CELF5: variants seen among roughly 807,000 people sequenced by gnomAD.
The protein encoded by CELF5 is CUGBP Elav-like family member 5, also known as CUG-BP and ETR-3 like factor 5.
CELF5 carries 6 observed loss-of-function variants against 54.9 expected under a neutral mutation model. The observed-to-expected ratio is 0.11, with a 90% CI of 0.06 to 0.22. CELF5 has a LOEUF of 0.22. CELF5 is among the 10% of genes least tolerant of loss of function. The pLI is 1.00. For synonymous variants in CELF5, 271 were observed against 290.9 expected (o/e 0.93, Z 0.70); for missense variants, 401 against 678.6 (o/e 0.59, Z 4.54).
intron 1 of CELF5, among the ~76,000 whole-genome samples, chr19:3,238,201 A>G (rs530877544): frequency 1.3e-5 from 2 of 152,158 alleles, no homozygotes. Flanking sequence ...CTAAAAATAA[A>G]AAATTAGCTG....
chr19:3,261,038 A>G (rs1291054786), intron 2 of CELF5, among the ~76,000 whole-genome samples: 2 of 152,102 alleles, frequency 1.3e-5, no homozygotes, highest in Non-Finnish European at 2.9e-5. Context: ...TGTTGGGACT[A>G]CAGGTGTGAG....
chr19:3,229,817 G>A (rs1264198605), intron 1 of CELF5, among the ~76,000 whole-genome samples: 1 of 152,116 alleles, frequency 6.6e-6, no homozygotes, highest in Non-Finnish European at 1.5e-5. Flanking sequence ...CAATGTGCGA[G>A]GGCCCAGAGG....
intron 2 of CELF5, among the ~76,000 whole-genome samples, chr19:3,253,109 A>AAAG (rs915744468): frequency 1.4e-4 from 21 of 152,094 alleles, no homozygotes; most frequent in African/African-American, 5.1e-4. Context: ...ATTAAAAAAA[A>AAAG]AAAGAAAGAA....
intron 2 of CELF5, among the ~76,000 whole-genome samples, chr19:3,264,560 C>T (rs2079854344): frequency 6.6e-6 from 1 of 151,724 alleles, no homozygotes; most frequent in Admixed American, 6.6e-5. Flanking sequence ...GGACTACAGG[C>T]ACCCGCCACC....
At chr19:3,247,329 T>A (rs4807433) in intron 1 of CELF5, among the ~76,000 whole-genome samples, 17,038 of 151,996 alleles carry the variant, frequency 0.11, 1,130 homozygotes, top group East Asian at 0.33. Context: ...GGTTTCACCG[T>A]GTTAGCCAGG....
chr19:3,225,091 G>C, intron 1 of CELF5, 93 bp downstream of exon 1: 1 of 803,930 alleles, frequency 1.2e-6, no homozygotes, highest in Non-Finnish European at 1.8e-6. Flanking sequence ...TCCCTCCTCT[G>C]CTCACCTCCC....
At chr19:3,291,103 A>G (rs189410389) in intron 11 of CELF5, among the ~76,000 whole-genome samples, 9 of 136,616 alleles carry the variant, frequency 6.6e-5, no homozygotes, top group African/African-American at 2.3e-4. Context: ...TCTACAAAAA[A>G]TACAAAAAAA....
In CELF5 at chr19:3,275,063, C is replaced by T. The variant is rs527444629; in HGVS notation, c.395-793C>T. ...ATTCTCAGTCTCTCTGCTGGTTTCT[C>T]TCTCTCCCTCCCACCCCCATGAGTG... On this transcript the variant is annotated intron_variant, in intron 3 of 12. Coordinates refer to ENST00000292672, the MANE Select transcript of CELF5 (RefSeq NM_021938.4). The surrounding 1 kb of genome is among the most constrained non-coding windows in gnomAD (Gnocchi z 6.7). Among the ~76,000 whole-genome samples, 5 of 152,244 alleles carry T rather than the reference C, an allele frequency of 3.3e-5. No homozygotes were observed. Among genetic ancestry groups the T allele is most frequent in the Admixed American group, 3.3e-4 (5 of 15,284 alleles).
chr19:3,231,450 A>T (rs998260320), intron 1 of CELF5, among the ~76,000 whole-genome samples: 1 of 66,134 alleles, frequency 1.5e-5, no homozygotes, highest in African/African-American at 5.6e-5. Context: ...GGGTGAACGG[A>T]TGGATGGATG....
chr19:3,277,039 T>TC (rs1451729600), intron 4 of CELF5, among the ~76,000 whole-genome samples: 19 of 152,302 alleles, frequency 1.2e-4, no homozygotes, highest in African/African-American at 4.6e-4. Flanking sequence ...CTGTCTATCT[T>TC]CCTGCCTGAG....
At chr19:3,252,624 C>T (rs1334387876) in intron 2 of CELF5, among the ~76,000 whole-genome samples, 2 of 152,122 alleles carry the variant, frequency 1.3e-5, no homozygotes, top group African/African-American at 2.4e-5. Flanking sequence ...GTGCGCCTTC[C>T]AGGGACCCGA....
chr19:3,290,834 G>A (rs1381246176), intron 11 of CELF5, among the ~76,000 whole-genome samples: 1 of 151,226 alleles, frequency 6.6e-6, no homozygotes, highest in African/African-American at 2.4e-5. Flanking sequence ...CCAAAGTGCT[G>A]GGATTACAGG....
At position 3,228,397 on chromosome 19, in the gene CELF5, G is replaced by A. The variant is rs1173899189; in HGVS notation, c.259+3399G>A. ...CTGGCCCCCCTGCAGTTCCTGCCCC[G>A]GGGACCCTCCCTCCAAGGCAGGCAC... is the stretch of plus-strand genomic sequence containing the variant. On this transcript the variant is annotated intron_variant, in intron 1 of 12. Transcript: ENST00000292672. This position sits in a 1 kb window ranked among gnomAD's most constrained non-coding sequence, Gnocchi z 6.0. Among the ~76,000 whole-genome samples, 2 of 152,154 alleles carry A rather than the reference G, an allele frequency of 1.3e-5. No homozygotes were observed. The highest frequency in any genetic ancestry group is 4.8e-5 in the African/African-American group (2 of 41,452).
intron 1 of CELF5, among the ~76,000 whole-genome samples, chr19:3,236,129 A>G (rs936791217): frequency 6.6e-6 from 1 of 152,200 alleles, no homozygotes; most frequent in African/African-American, 2.4e-5. Flanking sequence ...CATAGGGTCC[A>G]GGAGGAGGAC....
intron 1 of CELF5, among the ~76,000 whole-genome samples, chr19:3,238,039 G>A (rs898668415): frequency 2.0e-5 from 3 of 149,186 alleles, no homozygotes; most frequent in African/African-American, 7.4e-5. Flanking sequence ...AAAGAGAGAG[G>A]CTCTGTCTCA....
intron 8 of CELF5, 109 bp from the exon 9 acceptor site, chr19:3,284,793 G>T: frequency 1.1e-6 from 1 of 941,978 alleles, no homozygotes; most frequent in Non-Finnish European, 1.7e-6. Context: ...TAGCACAGAG[G>T]AGAAGCTGGG....
At chr19:3,261,848 G>A (rs2079810303) in intron 2 of CELF5, among the ~76,000 whole-genome samples, 2 of 151,974 alleles carry the variant, frequency 1.3e-5, no homozygotes. Flanking sequence ...AAAAACAGGA[G>A]GGGCCCAGAA....
At chr19:3,276,681 C>CGGGGCTGCGGTGGGGT (rs2080059426) in intron 4 of CELF5, among the ~76,000 whole-genome samples, 1 of 107,958 alleles carries the variant, frequency 9.3e-6, no homozygotes, top group African/African-American at 3.5e-5. Flanking sequence ...TGAAGAGGGG[C>CGGGGCTGCGGTGGGGT]GGGGCTGCGG....
chr19:3,268,242 G>A lies in CELF5; in HGVS notation c.343-5630G>A, dbSNP rs915557415. 5.3e-5 allele frequency among the ~76,000 whole-genome samples: 8 copies of A among 151,880 alleles called. No homozygotes were observed. The highest frequency in any genetic ancestry group is 1.7e-4 in the African/African-American group (7 of 41,346). ...TCGAACTCCTGACCTCAGGTGATCC[G>A]CCCGCCTCAGCCTCCCAAAGTGCTA... On this transcript the variant is annotated intron_variant, in intron 2 of 12. Transcript: ENST00000292672. This position sits in a 1 kb window ranked among gnomAD's most constrained non-coding sequence, Gnocchi z 4.4.
Sources: gnomAD v4.1 joint callset for allele counts (sites outside exome capture counted in the v4.1 genomes callset) on GRCh38, gnomAD v4.1.1 for gene constraint, Gnocchi (gnomAD v3.1) non-coding constraint, MANE v1.5 for transcripts, NCBI Gene and HGNC (gene_info 2026-07-23, HGNC 2026-07-21) for gene names.